The following ALAS2 variants were observed in gnomAD, a reference collection of about 807,000 sequenced individuals.
ALAS2 encodes the protein 5'-aminolevulinate synthase 2.
In ALAS2, 3 loss-of-function variants were observed where a neutral mutation model predicts 33.7. The ratio of observed to expected loss-of-function variants is 0.09; its 90% CI spans 0.04 to 0.23. The LOEUF (loss-of-function observed/expected upper bound fraction) is 0.23, where lower values mean the gene tolerates loss of function less well. ALAS2 is among the 10% of genes least tolerant of loss of function. The pLI is 1.00. For synonymous variants in ALAS2, 191 were observed against 177.3 expected (o/e 1.08, Z -0.61); for missense variants, 304 against 475.1 (o/e 0.64, Z 3.35).
In ALAS2 at chrX:55,020,361, G is replaced by T; in HGVS notation, c.782C>A (p.Ala261Asp). ...CAAGGTGAAGAGAGTAGAGTCATTG[G>T]CAACAAAGCAGGAGGAGAAGAGCAG... ...SALLFSSCFV[A>D]NDSTLFTLAK... Residue 261 changes from alanine to aspartate, a missense_variant, in exon 6 of 11, where the codon GCC (alanine) becomes GAC (aspartate). Coordinates refer to ENST00000650242, the MANE Select transcript of ALAS2 (RefSeq NM_000032.5). 8.3e-7 allele frequency: 1 copy of T among 1,209,402 alleles called. No individual in the cohort carries two copies. Among genetic ancestry groups the T allele is most frequent in the Non-Finnish European group, 1.1e-6 (1 of 894,692 alleles).
intron 10 of ALAS2, among the ~76,000 whole-genome samples, chrX:55,012,178 A>G (rs1164206870): frequency 1.8e-5 from 2 of 112,331 alleles, no homozygotes; most frequent in Non-Finnish European, 3.8e-5. Flanking sequence ...TATGTTGTCA[A>G]TACATACCCA....
chrX:55,026,757 G>A (rs944389453), intron 1 of ALAS2, among the ~76,000 whole-genome samples: 1 of 112,408 alleles, frequency 8.9e-6, no homozygotes, highest in African/African-American at 3.2e-5. Flanking sequence ...AGACAGAGAA[G>A]AGAAAGGGGG....
intron 8 of ALAS2, 21 bp downstream of exon 8, chrX:55,015,557 A>C (rs1203492326): frequency 2.5e-6 from 3 of 1,209,847 alleles, no homozygotes; most frequent in Admixed American, 4.3e-5. Context: ...GTATATAAGA[A>C]GGCCCAAAGC....
rs1237065726 is a variant in ALAS2 at position 55,014,669 on chromosome X, C to G, written c.1437+78G>C. Reference sequence around the variant, plus strand: ...GAAAGCAAATAATTGAAGACAGCAACAGATGTAGGTTTGTTGGGAGCGTGA... The same window carrying G: ...GAAAGCAAATAATTGAAGACAGCAAGAGATGTAGGTTTGTTGGGAGCGTGA... On this transcript the variant is annotated intron_variant, in intron 9 of 10. Coordinates refer to ENST00000650242, the MANE Select transcript of ALAS2 (RefSeq NM_000032.5). The G allele has an allele frequency of 4.9e-6, 5 of 1,027,700 alleles. No homozygotes were observed. In the Admixed American group the frequency reaches 1.5e-4, roughly 31 times the overall value. 84.7% of individuals were successfully genotyped at this position (1,027,700 alleles called of 1,213,427 possible).
intron 10 of ALAS2, among the ~76,000 whole-genome samples, 157 bp from the exon 11 acceptor site, chrX:55,009,500 A>T (rs1405432314): frequency 8.9e-6 from 1 of 111,778 alleles, no homozygotes; most frequent in East Asian, 2.8e-4. Context: ...TGTGCCGTGA[A>T]TATTACCATT....
rs772107960 is a variant in ALAS2 at position 55,013,628 on chromosome X, G to A, written c.1458C>T (p.Asn486=). ...IPIRVGNAAL[N]SKLCDLLLSK... Reference sequence around the variant, plus strand: ...AGAGCAGGAGATCACAGAGCTTGCTGTTGAGTGCTGCATTGCCCACCTGGA... The same window carrying A: ...AGAGCAGGAGATCACAGAGCTTGCTATTGAGTGCTGCATTGCCCACCTGGA... Residue 486 remains asparagine (N), a synonymous_variant, in exon 10 of 11, where the codon AAC becomes AAT. Coordinates refer to ENST00000650242, the MANE Select transcript of ALAS2 (RefSeq NM_000032.5). 16 of 1,209,820 alleles carry A rather than the reference G, an allele frequency of 1.3e-5. No homozygotes were observed. Among genetic ancestry groups the A allele is most frequent in the Non-Finnish European group, 1.8e-5 (16 of 895,194 alleles).
intron 6 of ALAS2, 114 bp from the exon 7 acceptor site, chrX:55,017,779 C>T (rs1393291589): frequency 8.9e-6 from 7 of 790,505 alleles, no homozygotes; most frequent in East Asian, 3.2e-5. Context: ...GAAGACCTTG[C>T]TCTGCTTCTT....
chrX:55,017,922 G>A (rs1935733201), intron 6 of ALAS2, among the ~76,000 whole-genome samples: 1 of 111,810 alleles, frequency 8.9e-6, no homozygotes, highest in African/African-American at 3.3e-5. Context: ...TGGGGTGGAA[G>A]AACATTTAAT....
chrX:55,015,596 T>C lies in ALAS2; in HGVS notation c.1150A>G (p.Ile384Val). 8.3e-7 allele frequency: 1 copy of C among 1,211,315 alleles called. No individual in the cohort carries two copies. The highest frequency in any genetic ancestry group is 2.3e-4 in the Middle Eastern group (1 of 4,355). ...CACTTACCAAGAGTTCCAGAGATGATGTCAATCTTATGCATAATTCCATCA... is the reference window on the plus strand; with the variant it reads ...CACTTACCAAGAGTTCCAGAGATGACGTCAATCTTATGCATAATTCCATCA... ...ERDGIMHKID[I>V]ISGTLGKAFG... Residue 384 changes from isoleucine (I) to valine (V), a missense_variant, in exon 8 of 11, where the codon ATC (isoleucine) becomes GTC (valine). Physicochemically the swap from Ile to Val is conservative, Grantham distance 29 (BLOSUM62 3). Transcript: ENST00000650242.
At chrX:55,030,231 G>C (rs998075618) in intron 1 of ALAS2, among the ~76,000 whole-genome samples, 1 of 111,626 alleles carries the variant, frequency 9.0e-6, no homozygotes, top group South Asian at 3.7e-4. Context: ...GACTTGCCTA[G>C]GGTCTCACAG....
intron 2 of ALAS2, 37 bp from the exon 3 acceptor site, chrX:55,024,877 C>A: frequency 8.3e-7 from 1 of 1,208,597 alleles, no homozygotes; most frequent in Non-Finnish European, 1.1e-6. Context: ...GGGTGCATTT[C>A]TAGTCATAAG....
Position 55,009,241 on chromosome X carries a change from C to T in ALAS2, c.1703G>A (p.Ser568Asn), listed in dbSNP as rs1270078533. The T allele has an allele frequency of 2.5e-6, 3 of 1,205,228 alleles. No homozygotes were observed. Among genetic ancestry groups the T allele is most frequent in the African/African-American group, 3.5e-5 (2 of 56,856 alleles). The change falls in exon 11 of 11, where the codon AGT (serine) becomes AAT (asparagine). Residue 568 changes from serine to asparagine, a missense_variant. Ser to Asn is a conservative substitution (Grantham distance 46). Around this residue, in one of 3 missense-constraint regions of ALAS2, gnomAD observed 95 missense variants for 127.0 expected, o/e 0.75. Coordinates refer to ENST00000650242, the MANE Select transcript of ALAS2 (RefSeq NM_000032.5). ...CRRPVHFELM[S>N]EWERSYFGNM... ...CCCGAAGTAGGAACGTTCCCACTCA[C>T]TCATGAGCTCAAAGTGTACAGGACG...
chrX:55,028,698 C>G (rs928513768), intron 1 of ALAS2, among the ~76,000 whole-genome samples: 1 of 111,610 alleles, frequency 9.0e-6, no homozygotes, highest in African/African-American at 3.3e-5. Context: ...CTGAAATTTG[C>G]TCTGCCTCAC....
chrX:55,024,662 G>A (rs759187401), intron 3 of ALAS2, 56 bp downstream of exon 3: 34 of 1,201,119 alleles, frequency 2.8e-5, no homozygotes, highest in African/African-American at 5.3e-5. Flanking sequence ...GGACTGTGAC[G>A]TAGTGTGTTC....
chrX:55,027,838 G>A, intron 1 of ALAS2: 1 of 1,178,594 alleles, frequency 8.5e-7, no homozygotes, highest in Non-Finnish European at 1.2e-6. Context: ...GTTGGTATGT[G>A]GGGCCAAGGC....
At chrX:55,014,678 G>A in intron 9 of ALAS2, 69 bp downstream of exon 9, 1 of 1,063,626 alleles carries the variant, frequency 9.4e-7, no homozygotes, top group East Asian at 3.2e-5. Context: ...ACAGATGTAG[G>A]TTTGTTGGGA....
Position 55,014,782 on chromosome X carries a change from C to A in ALAS2, c.1402G>T (p.Val468Phe). The A allele has an allele frequency of 1.7e-6, 2 of 1,193,118 alleles. No homozygotes were observed. Among genetic ancestry groups the A allele is most frequent in the East Asian group, 6.0e-5 (2 of 33,345 alleles). ...ATGATGTGGCTGGGGCAGGGGATGA[C>A]AGGAAGGCCCCTGTCCATGAGTAGC... ...RQLLMDRGLP[V>F]IPCPSHIIPI... Residue 468 changes from valine (V) to phenylalanine (F), a missense_variant, in exon 9 of 11, where the codon GTC becomes TTC. Val to Phe is a conservative substitution (Grantham distance 50). This residue lies in a region of ALAS2 where 95 missense variants were observed against 127.0 expected (regional missense o/e 0.75). Coordinates refer to ENST00000650242, the MANE Select transcript of ALAS2 (RefSeq NM_000032.5).
At chrX:55,018,711 G>A (rs1476012) in intron 6 of ALAS2, among the ~76,000 whole-genome samples, 24,144 of 110,506 alleles carry the variant, frequency 0.22, 2,665 homozygotes, top group East Asian at 0.54. Context: ...TTTAGAAGCT[G>A]TGATAAGAAA....
At chrX:55,013,945 G>A (rs1020144005) in intron 9 of ALAS2, among the ~76,000 whole-genome samples, 3 of 110,730 alleles carry the variant, frequency 2.7e-5, no homozygotes, top group Admixed American at 1.9e-4. Flanking sequence ...GGATGGTTCT[G>A]GGTGAGAAGA....
Sources: gnomAD v4.1 joint callset for allele counts (sites outside exome capture counted in the v4.1 genomes callset) on GRCh38, gnomAD v4.1.1 for gene constraint, gnomAD v4.1.1 regional missense constraint, MANE v1.5 for transcripts, NCBI Gene and HGNC (gene_info 2026-07-23, HGNC 2026-07-21) for gene names.